The following TYR variants were observed in gnomAD, a reference collection of about 807,000 sequenced individuals.
TYR encodes LB24-AB.
In TYR, 58 loss-of-function variants were observed where a neutral mutation model predicts 51.5. The ratio of observed to expected loss-of-function variants is 1.13; its 90% CI spans 0.91 to 1.40. The LOEUF (loss-of-function observed/expected upper bound fraction) is 1.40. Ranked by LOEUF, TYR falls within the 40% of genes most tolerant of loss-of-function variation. The probability of loss-of-function intolerance (pLI) is 0.00; values close to 1 mark genes in which losing one functional copy is unlikely to be tolerated. For synonymous variants in TYR, 263 were observed against 235.2 expected, an observed-to-expected ratio of 1.12 and a Z score of -1.08; for missense variants, 732 against 647.4, an observed-to-expected ratio of 1.13 and a Z score of -1.42.
At chr11:89,278,238 G>C (rs1273199840) in intron 3 of TYR, among the ~76,000 whole-genome samples, 3 of 151,594 alleles carry the variant, frequency 2.0e-5, no homozygotes, top group African/African-American at 4.8e-5. Context: ...CCACAGACCA[G>C]ATGAGGCTTC....
chr11:89,267,202 A>G (rs1444961543), intron 3 of TYR, among the ~76,000 whole-genome samples: 1 of 151,970 alleles, frequency 6.6e-6, no homozygotes, highest in African/African-American at 2.4e-5. Context: ...ATTGTCTGCT[A>G]TGACAAGAGT....
At chr11:89,261,513 C>T (rs887988395) in intron 3 of TYR, among the ~76,000 whole-genome samples, 1 of 151,956 alleles carries the variant, frequency 6.6e-6, no homozygotes, top group East Asian at 1.9e-4. Flanking sequence ...GAAGAAGATA[C>T]AAGAATTATA....
At chr11:89,224,501 G>A (rs767660788) in intron 2 of TYR, among the ~76,000 whole-genome samples, 4 of 152,088 alleles carry the variant, frequency 2.6e-5, no homozygotes, top group Non-Finnish European at 5.9e-5. Context: ...ATACACTACT[G>A]CAGGTTCACA....
At position 89,264,090 on chromosome 11, in the gene TYR, G is replaced by A. The variant is rs550320671; in HGVS notation, c.1185-20683G>A. The stretch of plus-strand genomic sequence containing the variant: ...AATAACTTCTAGAGACTTTAAGTGG[G>A]GGAGTATTATTTTTTCATAATTGTT... On this transcript the variant is annotated intron_variant, in intron 3 of 4. Coordinates refer to ENST00000263321, the MANE Select transcript of TYR (RefSeq NM_000372.5). Among the ~76,000 whole-genome samples, 40 of 152,064 alleles carry A rather than the reference G, an allele frequency of 2.6e-4. No homozygotes were observed. The East Asian group carries it at 6.8e-3, about 26-fold the overall frequency.
intron 1 of TYR, among the ~76,000 whole-genome samples, chr11:89,179,552 C>CA (rs56159338): frequency 9.7e-4 from 145 of 149,664 alleles, no homozygotes; most frequent in African/African-American, 2.9e-3. Context: ...TAATAAGCAG[C>CA]AAAAAAAAAA....
At chr11:89,227,730 C>A in intron 2 of TYR, 93 bp from the exon 3 acceptor site, 1 of 1,118,424 alleles carries the variant, frequency 8.9e-7, no homozygotes, top group Non-Finnish European at 1.3e-6. Context: ...TTGAAACAGT[C>A]TTCAAGTTAT....
At chr11:89,269,329 A>G (rs1275545227) in intron 3 of TYR, among the ~76,000 whole-genome samples, 1 of 151,926 alleles carries the variant, frequency 6.6e-6, no homozygotes, top group Non-Finnish European at 1.5e-5. Context: ...TTCTAGATTC[A>G]TCTTGACTAC....
At chr11:89,219,514 C>T (rs944040724) in intron 2 of TYR, among the ~76,000 whole-genome samples, 1 of 151,910 alleles carries the variant, frequency 6.6e-6, no homozygotes, top group Non-Finnish European at 1.5e-5. Context: ...GTTTTGAACC[C>T]CTAATGTCAA....
intron 2 of TYR, among the ~76,000 whole-genome samples, chr11:89,204,468 A>G (rs67422708): frequency 0.17 from 25,318 of 151,230 alleles, 2,528 homozygotes; most frequent in African/African-American, 0.28. Flanking sequence ...ATCTCAGCCC[A>G]CTGCAACCTC....
intron 3 of TYR, among the ~76,000 whole-genome samples, chr11:89,283,481 A>C (rs544109367): frequency 6.6e-6 from 1 of 151,980 alleles, no homozygotes; most frequent in South Asian, 2.1e-4. Flanking sequence ...CTTAAAATGT[A>C]CAGCTAAGTA....
chr11:89,216,841 G>A (rs1943839023), intron 2 of TYR, among the ~76,000 whole-genome samples: 1 of 152,012 alleles, frequency 6.6e-6, no homozygotes, highest in African/African-American at 2.4e-5. Flanking sequence ...GGGTGAAAGT[G>A]GGAAGAATAG....
Position 89,207,237 on chromosome 11 carries a change from G to A in TYR, c.1036+15819G>A, listed in dbSNP as rs557737273. On this transcript the variant is annotated intron_variant, in intron 2 of 4. Coordinates refer to ENST00000263321, the MANE Select transcript of TYR (RefSeq NM_000372.5). The stretch of plus-strand genomic sequence containing the variant: ...TTGACGAATTAGCAAGATTGAAAAG[G>A]GAAAAAGAGAAAAGACACAAATTAC... Among the ~76,000 whole-genome samples, 7 of 152,050 alleles carry A rather than the reference G, an allele frequency of 4.6e-5. No individual in the cohort carries two copies. The South Asian group carries it at 1.0e-3, about 23-fold the overall frequency.
intron 4 of TYR, among the ~76,000 whole-genome samples, chr11:89,289,605 TC>T (rs1203380815): frequency 1.3e-5 from 2 of 151,978 alleles, no homozygotes; most frequent in African/African-American, 4.8e-5. Context: ...GCCCCCCAAC[TC>T]CCCGCCTACA....
chr11:89,197,674 A>G (rs564051197), intron 2 of TYR, among the ~76,000 whole-genome samples: 1 of 152,186 alleles, frequency 6.6e-6, no homozygotes, highest in African/African-American at 2.4e-5. Flanking sequence ...AGCTTGATCT[A>G]AAGTAGTGAG....
At chr11:89,255,912 A>G (rs1786249512) in intron 3 of TYR, among the ~76,000 whole-genome samples, 1 of 151,442 alleles carries the variant, frequency 6.6e-6, no homozygotes, top group Admixed American at 6.6e-5. Context: ...GAAATTTTTG[A>G]TATTTATTAT....
intron 3 of TYR, among the ~76,000 whole-genome samples, chr11:89,266,160 T>G (rs1156370421): frequency 1.3e-5 from 2 of 152,020 alleles, no homozygotes; most frequent in African/African-American, 4.8e-5. Flanking sequence ...TCTTCTTTGT[T>G]CATTAGGCTA....
At chr11:89,238,165 T>G (rs1322138010) in intron 3 of TYR, among the ~76,000 whole-genome samples, 1 of 152,144 alleles carries the variant, frequency 6.6e-6, no homozygotes, top group African/African-American at 2.4e-5. Flanking sequence ...AAGAGATATA[T>G]TTCAGTTTAT....
At chr11:89,280,244 A>G (rs1721277821) in intron 3 of TYR, among the ~76,000 whole-genome samples, 2 of 151,700 alleles carry the variant, frequency 1.3e-5, no homozygotes, top group African/African-American at 4.8e-5. Context: ...TTACTGGAGA[A>G]TATTTCTTCT....
intron 3 of TYR, among the ~76,000 whole-genome samples, chr11:89,237,937 G>A (rs886555526): frequency 6.6e-6 from 1 of 152,040 alleles, no homozygotes; most frequent in Non-Finnish European, 1.5e-5. Context: ...CCAGGTTCAA[G>A]CGAGTCTTGT....
Sources: allele counts gnomAD v4.1 joint callset (sites outside exome capture counted in the v4.1 genomes callset), GRCh38; gene constraint gnomAD v4.1.1; transcripts MANE v1.5; gene names NCBI Gene and HGNC (gene_info 2026-07-23, HGNC 2026-07-21).